Variants in REELD1 observed in about 807,000 individuals in gnomAD.
REELD1 encodes the protein reelin domain-containing protein 1.
A neutral mutation model predicts 6.3 loss-of-function variants in REELD1; 12 were observed. The observed-to-expected ratio is 1.89, with a 90% CI of 1.21 to 3.07. The LOEUF is 3.07. Ranked by LOEUF, REELD1 falls within the 30% of genes most tolerant of loss-of-function variation. The probability of loss-of-function intolerance (pLI) is 0.00; values close to 1 mark genes in which losing one functional copy is unlikely to be tolerated. For missense variants in REELD1, 163 were observed against 86.8 expected (o/e 1.88, Z -3.49); for synonymous variants, 57 against 33.6 (o/e 1.70, Z -2.42).
intron 4 of REELD1, among the ~76,000 whole-genome samples, chr4:146,222,968 A>G (rs1207622946): frequency 6.6e-6 from 1 of 152,086 alleles, no homozygotes; most frequent in Admixed American, 6.5e-5. Flanking sequence ...GGCCCAGGAA[A>G]AGCTTCTTGA....
chr4:146,223,213 T>G (rs781417015), intron 4 of REELD1, among the ~76,000 whole-genome samples: 3 of 152,186 alleles, frequency 2.0e-5, no homozygotes, highest in Non-Finnish European at 4.4e-5. Flanking sequence ...TGTTTCTGTT[T>G]CTCTTCCCCA....
intron 4 of REELD1, among the ~76,000 whole-genome samples, chr4:146,224,126 T>G (rs540617669): frequency 6.6e-6 from 1 of 152,304 alleles, no homozygotes; most frequent in Admixed American, 6.5e-5. Context: ...GATAAAACCT[T>G]TTATTGGAGT....
chr4:146,229,533 T>C (rs1364999398), intron 7 of REELD1, among the ~76,000 whole-genome samples: 1 of 152,134 alleles, frequency 6.6e-6, no homozygotes, highest in East Asian at 1.9e-4. Flanking sequence ...GAACCTACAG[T>C]GAGGTTAAAT....
intron 4 of REELD1, among the ~76,000 whole-genome samples, chr4:146,223,512 G>C (rs963029919): frequency 2.0e-5 from 3 of 152,154 alleles, no homozygotes; most frequent in Non-Finnish European, 4.4e-5. Flanking sequence ...CAGCGCAGAG[G>C]GTGTCTGCTT....
intron 2 of REELD1, among the ~76,000 whole-genome samples, chr4:146,215,951 G>A (rs962281538): frequency 5.3e-5 from 8 of 152,108 alleles, no homozygotes; most frequent in South Asian, 2.1e-4. Flanking sequence ...GGGTTTCACC[G>A]TATTGCCCAG....
chr4:146,217,725 A>G (rs1730851600), intron 3 of REELD1, among the ~76,000 whole-genome samples: 1 of 152,224 alleles, frequency 6.6e-6, no homozygotes, highest in African/African-American at 2.4e-5. Flanking sequence ...ACGGACACAA[A>G]TATAGTTACT....
chr4:146,217,442 G>T (rs1239280003), intron 3 of REELD1, among the ~76,000 whole-genome samples: 1 of 151,790 alleles, frequency 6.6e-6, no homozygotes. Flanking sequence ...CAGGGTCTTT[G>T]TATGTTGCCC....
chr4:146,228,051 C>G, intron 5 of REELD1, among the ~76,000 whole-genome samples, 159 bp from the exon 6 acceptor site: 1 of 152,124 alleles, frequency 6.6e-6, no homozygotes, highest in East Asian at 1.9e-4. Context: ...TCAGGCAGGT[C>G]ATCTTTATGC....
In REELD1 at chr4:146,217,131, C is replaced by G. The variant is rs1434824988; in HGVS notation, c.179C>G (p.Thr60Ser). The G allele has an allele frequency of 7.5e-6, 3 of 399,938 alleles. No individual in the cohort carries two copies. Among genetic ancestry groups the G allele is most frequent in the African/African-American group, 6.2e-5 (3 of 48,656 alleles). The allele number at this position is 399,938 out of a possible 1,614,324, so 24.8% of individuals were successfully genotyped here. Residue 60 changes from threonine (T) to serine (S), a missense_variant, in exon 3 of 8, where the codon ACT (threonine) becomes AGT (serine). By Grantham distance (58) the Thr-to-Ser change is moderately conservative. Transcript: ENST00000623665. ...CACATCACCATCCACACCCACAGGA[C>G]TTCCTATGCACCAGGTGACAAGATT... The part of the protein sequence containing the change: ...SHHITIHTHR[T>S]SYAPGDKIPV...
intron 5 of REELD1, among the ~76,000 whole-genome samples, chr4:146,227,818 A>G (rs558249094): frequency 2.0e-5 from 3 of 152,314 alleles, no homozygotes; most frequent in South Asian, 2.1e-4. Flanking sequence ...GAGTGTTAAT[A>G]TTAGGGCAAG....
At chr4:146,222,766 C>T (rs1053086237) in intron 4 of REELD1, among the ~76,000 whole-genome samples, 187 bp downstream of exon 4, 5 of 152,112 alleles carry the variant, frequency 3.3e-5, no homozygotes, top group African/African-American at 1.2e-4. Context: ...AAAATATTGC[C>T]CCCAAACTCA....
At chr4:146,221,346 A>G (rs1415706732) in intron 3 of REELD1, among the ~76,000 whole-genome samples, 1 of 152,224 alleles carries the variant, frequency 6.6e-6, no homozygotes, top group Non-Finnish European at 1.5e-5. Context: ...TTTCAGGGCT[A>G]ACTGATAAGG....
chr4:146,220,129 T>TACAAATGATTTTACAAATC (rs1317123236), intron 3 of REELD1, among the ~76,000 whole-genome samples: 40 of 152,244 alleles, frequency 2.6e-4, no homozygotes, highest in African/African-American at 8.7e-4. Context: ...TTTGTATTTT[T>TACAAATGATTTTACAAATC]AGTACAGATG....
chr4:146,216,856 G>T, intron 2 of REELD1, 86 bp from the exon 3 acceptor site: 1 of 397,698 alleles, frequency 2.5e-6, no homozygotes, highest in Admixed American at 4.4e-5. Context: ...GGCAGTGTGG[G>T]GTTCAGGTTA....
At chr4:146,226,489 A>T (rs1160445321) in intron 5 of REELD1, among the ~76,000 whole-genome samples, 1 of 152,216 alleles carries the variant, frequency 6.6e-6, no homozygotes, top group East Asian at 1.9e-4. Context: ...AGGCACCATC[A>T]GAATAAGTGT....
At chr4:146,215,803 T>A (rs569870703) in intron 2 of REELD1, among the ~76,000 whole-genome samples, 1 of 149,958 alleles carries the variant, frequency 6.7e-6, no homozygotes. Context: ...CAGGCTGGAG[T>A]GCAATGGCAT....
intron 3 of REELD1, among the ~76,000 whole-genome samples, chr4:146,217,750 T>A (rs1170595597): frequency 6.6e-6 from 1 of 152,218 alleles, no homozygotes; most frequent in Non-Finnish European, 1.5e-5. Flanking sequence ...ACAACCTTCA[T>A]GTATCATCTA....
Position 146,231,685 on chromosome 4 carries a change from T to C in REELD1, c.*1172T>C, listed in dbSNP as rs1288972707. Among the ~76,000 whole-genome samples the C allele has an allele frequency of 2.6e-5, 4 of 152,260 alleles. No individual in the cohort carries two copies. The highest frequency in any genetic ancestry group is 9.6e-5 in the African/African-American group (4 of 41,472). On this transcript the variant is annotated 3_prime_UTR_variant, in exon 8 of 8. Coordinates refer to ENST00000623665, the MANE Select transcript of REELD1 (RefSeq NM_001354631.1). Reference sequence around the variant, plus strand: ...GGAACTGTGCTAAGTAGTTTGCGTATATCTTCACATTTAACTCTCACAAAA... The same window carrying C: ...GGAACTGTGCTAAGTAGTTTGCGTACATCTTCACATTTAACTCTCACAAAA...
chr4:146,230,905 G>A lies in REELD1; in HGVS notation c.*392G>A, dbSNP rs1731120714. ...GTGTCTCATCTCTTCTAACTCTTTG[G>A]GGAAAAAAAGTAATGTTGGGTTGTG... is the stretch of plus-strand genomic sequence containing the variant. On this transcript the variant is annotated 3_prime_UTR_variant, in exon 8 of 8. Coordinates refer to ENST00000623665, the MANE Select transcript of REELD1 (RefSeq NM_001354631.1). 1 of 155,280 alleles carries A rather than the reference G, an allele frequency of 6.4e-6. No homozygotes were observed. The highest frequency in any genetic ancestry group is 1.4e-5 in the Non-Finnish European group (1 of 70,264). 9.6% of individuals were successfully genotyped at this position (155,280 alleles called of 1,614,324 possible).
Sources: allele counts gnomAD v4.1 joint callset (sites outside exome capture counted in the v4.1 genomes callset), GRCh38; gene constraint gnomAD v4.1.1; transcripts MANE v1.5; gene names NCBI Gene and HGNC (gene_info 2026-07-23, HGNC 2026-07-21).